TJP2: variants seen among roughly 807,000 people sequenced by gnomAD.
TJP2 encodes the protein tight junction protein 2.
Under a neutral mutation model 133.1 loss-of-function variants are expected in TJP2, and 91 were observed. The observed-to-expected ratio is 0.68, with a 90% CI of 0.58 to 0.81. TJP2 has a LOEUF of 0.81. Among genes scored for constraint, TJP2 ranks in the 40% least tolerant of loss-of-function variants. TJP2 has a pLI of 0.00. For missense variants in TJP2, 1,541 were observed against 1,565.6 expected (o/e 0.98, Z 0.26); for synonymous variants, 592 against 583.4 (o/e 1.01, Z -0.21).
chr9:69,157,936 G>A (rs1823857034), intron 2 of TJP2, among the ~76,000 whole-genome samples: 1 of 152,146 alleles, frequency 6.6e-6, no homozygotes, highest in African/African-American at 2.4e-5. Flanking sequence ...TAATACTCAA[G>A]CTAGGTTCTG....
At chr9:69,186,057 C>G (rs934301493) in intron 1 of TJP2, among the ~76,000 whole-genome samples, 1 of 151,972 alleles carries the variant, frequency 6.6e-6, no homozygotes, top group Non-Finnish European at 1.5e-5. Context: ...TGTGAGCCGC[C>G]GCGCCCGGCC....
intron 16 of TJP2, 37 bp downstream of exon 16, chr9:69,238,826 G>A: frequency 6.7e-7 from 1 of 1,498,002 alleles, no homozygotes. Flanking sequence ...TTTTCAGAAA[G>A]AATTAGATTA....
Position 69,190,071 on chromosome 9 carries a change from C to T in TJP2, c.60+15639C>T, listed in dbSNP as rs2133057132. ...TTTGCAGTGAGCCAAGATGGCGCCA[C>T]TGCACTCCAGCCTGGGCAACAGAGC... On this transcript the variant is annotated intron_variant, in intron 1 of 22. Coordinates refer to ENST00000377245, the MANE Select transcript of TJP2 (RefSeq NM_004817.4). Among the ~76,000 whole-genome samples, 2 of 149,458 alleles carry T rather than the reference C, an allele frequency of 1.3e-5. 1 individual carries two copies. The highest frequency in any genetic ancestry group is 4.4e-4 in the South Asian group (2 of 4,552).
chr9:69,252,665 A>G, intron 21 of TJP2, 150 bp from the exon 22 acceptor site: 1 of 748,708 alleles, frequency 1.3e-6, no homozygotes, highest in Non-Finnish European at 2.4e-6. Context: ...CATGGAAATG[A>G]GGAGGCCGCT....
At chr9:69,248,340 T>A in intron 19 of TJP2, 116 bp downstream of exon 19, 2 of 1,463,322 alleles carry the variant, frequency 1.4e-6, no homozygotes, top group South Asian at 1.5e-5. Flanking sequence ...TTGGAGCAGA[T>A]GACTTCCAGG....
intron 1 of TJP2, among the ~76,000 whole-genome samples, chr9:69,137,300 TTTTCTTTTCTTTTC>T (rs1564372727): frequency 5.1e-5 from 4 of 77,948 alleles, no homozygotes; most frequent in East Asian, 3.4e-4. Flanking sequence ...TCTTTCTTTC[TTTTCTTTTCTTTTC>T]TTTTCTTTTC....
At chr9:69,145,551 C>A in intron 1 of TJP2, 1 of 407,384 alleles carries the variant, frequency 2.5e-6, no homozygotes, top group Non-Finnish European at 4.2e-6. Flanking sequence ...TATTTGTGGT[C>A]TGCCCCCCCA....
At chr9:69,207,458 GA>G (rs1455789030) in intron 1 of TJP2, among the ~76,000 whole-genome samples, 1 of 152,144 alleles carries the variant, frequency 6.6e-6, no homozygotes, top group Non-Finnish European at 1.5e-5. Flanking sequence ...CTGCCCTTGA[GA>G]GATACTGGGA....
At chr9:69,122,390 C>G (rs973350830) in intron 1 of TJP2, among the ~76,000 whole-genome samples, 1 of 152,228 alleles carries the variant, frequency 6.6e-6, no homozygotes, top group African/African-American at 2.4e-5. Context: ...GACCGTACAG[C>G]CCTGGGGGTG....
intron 1 of TJP2, among the ~76,000 whole-genome samples, chr9:69,142,376 T>G (rs1346505837): frequency 6.6e-6 from 1 of 152,230 alleles, no homozygotes. Context: ...TGGTAATTCT[T>G]TTACATCACG....
chr9:69,244,563 A>C (rs1291877673), intron 17 of TJP2, among the ~76,000 whole-genome samples: 5 of 152,196 alleles, frequency 3.3e-5, no homozygotes, highest in Non-Finnish European at 7.3e-5. Context: ...ATCCAAGGGG[A>C]TATAGGCATA....
intron 2 of TJP2, among the ~76,000 whole-genome samples, chr9:69,156,848 C>T (rs1823795925): frequency 6.6e-6 from 1 of 152,188 alleles, no homozygotes; most frequent in South Asian, 2.1e-4. Context: ...ACATTGGTTC[C>T]ATCTGGCAGA....
chr9:69,212,067 A>G (rs1439344604), intron 1 of TJP2, among the ~76,000 whole-genome samples: 1 of 152,212 alleles, frequency 6.6e-6, no homozygotes, highest in African/African-American at 2.4e-5. Flanking sequence ...AGTGATACAG[A>G]TGGAGAAAAA....
At chr9:69,156,626 G>T (rs1823780614) in intron 2 of TJP2, among the ~76,000 whole-genome samples, 2 of 145,792 alleles carry the variant, frequency 1.4e-5, no homozygotes, top group African/African-American at 5.1e-5. Context: ...CCGCCTTCCG[G>T]GTTCACGCCA....
At chr9:69,225,954 G>A in intron 6 of TJP2, 68 bp from the exon 7 acceptor site, 1 of 1,553,192 alleles carries the variant, frequency 6.4e-7, no homozygotes, top group Non-Finnish European at 8.9e-7. Context: ...TTTTAGAAGG[G>A]GAAAATATGA....
At chr9:69,243,591 A>G (rs899333395) in intron 17 of TJP2, among the ~76,000 whole-genome samples, 1 of 152,234 alleles carries the variant, frequency 6.6e-6, no homozygotes, top group Non-Finnish European at 1.5e-5. Flanking sequence ...TTTTCTTGGA[A>G]TCTTCAAAGT....
chr9:69,249,254 A>T (rs559770036), intron 19 of TJP2, 121 bp from the exon 20 acceptor site: 1 of 1,520,934 alleles, frequency 6.6e-7, no homozygotes, highest in South Asian at 1.3e-5. Flanking sequence ...GTAAAGAAGC[A>T]CCGGCTCAGA....
chr9:69,177,915 C>G (rs187823907), intron 1 of TJP2, among the ~76,000 whole-genome samples: 80 of 152,238 alleles, frequency 5.3e-4, no homozygotes, highest in African/African-American at 1.9e-3. Flanking sequence ...TCTGCTTCCA[C>G]TTTTTCCATT....
chr9:69,246,828 C>T, intron 18 of TJP2, 38 bp downstream of exon 18: 1 of 1,574,778 alleles, frequency 6.4e-7, no homozygotes, highest in Non-Finnish European at 8.7e-7. Flanking sequence ...GGTGAGAGTC[C>T]CTGTTCTGAA....
Sources: allele counts gnomAD v4.1 joint callset (sites outside exome capture counted in the v4.1 genomes callset), GRCh38; gene constraint gnomAD v4.1.1; transcripts MANE v1.5; gene names NCBI Gene and HGNC (gene_info 2026-07-23, HGNC 2026-07-21).